FBN2: variants seen among roughly 807,000 people sequenced by gnomAD.
The protein encoded by FBN2 is fibrillin-2.
Under a neutral mutation model 355.6 loss-of-function variants are expected in FBN2, and 105 were observed. That is an observed-to-expected ratio of 0.30 (90% CI 0.25 to 0.35). The LOEUF (loss-of-function observed/expected upper bound fraction) is 0.35, where lower values mean the gene tolerates loss of function less well. Ranked by LOEUF, FBN2 falls within the 10% of genes least tolerant of loss-of-function variation. The pLI is 1.00. For missense variants in FBN2, 3,280 were observed against 3,758.7 expected, an observed-to-expected ratio of 0.87 and a Z score of 3.33; for synonymous variants, 1,350 against 1,301.2, an observed-to-expected ratio of 1.04 and a Z score of -0.81.
rs891716656 is a variant in FBN2, at chr5:128,464,623, T to C, written c.826+101A>G. The C allele has an allele frequency of 2.4e-6, 3 of 1,273,954 alleles. No individual in the cohort carries two copies. In the Admixed American group the frequency reaches 5.1e-5, roughly 21 times the overall value. The allele number at this position is 1,273,954 out of a possible 1,614,324, so 78.9% of individuals were successfully genotyped here. A position where few individuals can be genotyped will look rare whatever the true frequency, so the allele number is the denominator to read the frequency against. ...TAACGAGGCCACTCTTGGAAATCAG[T>C]ATTCTGTTAAAAGCTACCATCCAGT... is the stretch of plus-strand genomic sequence containing the variant. On this transcript the variant is annotated intron_variant, in intron 6 of 64. Transcript: ENST00000262464.
Position 128,361,826 on chromosome 5 carries a change from G to A in FBN2, c.2451C>T (p.Asn817=). Residue 817 remains asparagine, a synonymous_variant, in exon 19 of 65, where the codon AAC becomes AAT. Coordinates refer to ENST00000262464, the MANE Select transcript of FBN2 (RefSeq NM_001999.4). ...ACAATCCGTTATCACAAAGCAGTCT[G>A]TTTACTAAACATTCATCAATGTCTG... is the stretch of plus-strand genomic sequence containing the variant. ...NCIDIDECLV[N]RLLCDNGLCR... 6.2e-7 allele frequency: 1 copy of A among 1,614,008 alleles called. No individual in the cohort carries two copies.
chr5:128,445,237 TG>T (rs1293688829), intron 7 of FBN2, among the ~76,000 whole-genome samples: 1 of 152,206 alleles, frequency 6.6e-6, no homozygotes, highest in Admixed American at 6.5e-5. Context: ...TAATCAACTA[TG>T]TTTTTTTAAA....
Position 128,302,596 on chromosome 5 carries a change from A to G in FBN2, c.5917+377T>C, listed in dbSNP as rs537682030. On this transcript the variant is annotated intron_variant, in intron 46 of 64. Transcript: ENST00000262464. ...GGCTACTGGTACTTGAATGTAAATA[A>G]TCCAGAATGGATTTAAATGAAATAC... 4.6e-5 allele frequency among the ~76,000 whole-genome samples: 7 copies of G among 152,348 alleles called. No individual in the cohort carries two copies. In the East Asian group the frequency reaches 1.3e-3, roughly 29 times the overall value.
intron 5 of FBN2, among the ~76,000 whole-genome samples, chr5:128,513,321 C>A (rs1254906477): frequency 6.6e-6 from 1 of 152,214 alleles, no homozygotes; most frequent in Non-Finnish European, 1.5e-5. Context: ...TATATAATAA[C>A]AACTGATTAC....
intron 26 of FBN2, 133 bp from the exon 27 acceptor site, chr5:128,338,255 G>C (rs1260555915): frequency 9.9e-6 from 9 of 904,580 alleles, no homozygotes; most frequent in Non-Finnish European, 1.1e-5. Flanking sequence ...TAGGAGATGG[G>C]ATAACGCTTT....
chr5:128,304,326 A>C (rs1286226993), intron 45 of FBN2, among the ~76,000 whole-genome samples: 1 of 152,232 alleles, frequency 6.6e-6, no homozygotes, highest in East Asian at 1.9e-4. Flanking sequence ...CATCCAGCCC[A>C]TCTGTCTTTG....
intron 5 of FBN2, among the ~76,000 whole-genome samples, chr5:128,480,583 GT>G (rs1453996667): frequency 6.6e-6 from 1 of 152,172 alleles, no homozygotes; most frequent in Non-Finnish European, 1.5e-5. Context: ...GAGGGCGGGT[GT>G]GTGTAATTCC....
intron 5 of FBN2, among the ~76,000 whole-genome samples, chr5:128,485,360 AT>A (rs1371559777): frequency 2.0e-5 from 3 of 152,138 alleles, no homozygotes; most frequent in Non-Finnish European, 4.4e-5. Context: ...TCATAGTAGT[AT>A]TTTTTTATTG....
At chr5:128,296,629 G>T (rs1159743270) in intron 48 of FBN2, among the ~76,000 whole-genome samples, 2 of 152,106 alleles carry the variant, frequency 1.3e-5, no homozygotes, top group Admixed American at 6.6e-5. Context: ...TTGTGTAGAG[G>T]TGTTTGTAGT....
intron 4 of FBN2, among the ~76,000 whole-genome samples, chr5:128,522,707 A>C (rs946252199): frequency 6.6e-6 from 1 of 152,224 alleles, no homozygotes; most frequent in African/African-American, 2.4e-5. Context: ...CCTTTTCTCA[A>C]ATGAATTATG....
intron 32 of FBN2, among the ~76,000 whole-genome samples, chr5:128,331,641 C>G (rs1750694731): frequency 1.3e-5 from 2 of 152,072 alleles, no homozygotes; most frequent in African/African-American, 2.4e-5. Context: ...AGGGAACAAG[C>G]CAACATACCA....
Position 128,311,941 on chromosome 5 carries a change from G to A in FBN2, c.4892C>T (p.Thr1631Ile). Residue 1631 changes from threonine (T) to isoleucine (I), a missense_variant, in exon 38 of 65, where the codon ACC (threonine) becomes ATC (isoleucine). Physicochemically the swap from Thr to Ile is moderately conservative, Grantham distance 89 (BLOSUM62 -1). This residue lies in a region of FBN2 where 2,284 missense variants were observed against 2,749.5 expected (regional missense o/e 0.83). Transcript: ENST00000262464. ...GAAGCCTTCACCTCCGGGACACAGG[G>A]TGTAATATTCAGCTACAAAACAATA... ...CPPVNSTEYY[T>I]LCPGGEGFRP... 6.2e-7 allele frequency: 1 copy of A among 1,610,260 alleles called. No individual in the cohort carries two copies. The highest frequency in any genetic ancestry group is 8.5e-7 in the Non-Finnish European group (1 of 1,176,724).
Position 128,291,597 on chromosome 5 carries a change from G to A in FBN2, c.6224C>T (p.Thr2075Ile). The A allele has an allele frequency of 2.5e-6, 4 of 1,612,574 alleles. No homozygotes were observed. The highest frequency in any genetic ancestry group is 1.1e-5 in the South Asian group (1 of 91,042). The change falls in exon 49 of 65, where the codon ACT (threonine) becomes ATT (isoleucine). Residue 2075 changes from threonine to isoleucine, a missense_variant. Thr to Ile is a moderately conservative substitution (Grantham distance 89). This residue lies in a region of FBN2 where 2,284 missense variants were observed against 2,749.5 expected (regional missense o/e 0.83). Transcript: ENST00000262464. ...GCAGAGGCACTGGAAGCCCCCTGGA[G>A]TATTAGTACAGGAACCAAAAAGACA... ...NICLFGSCTN[T>I]PGGFQCLCPP...
intron 5 of FBN2, among the ~76,000 whole-genome samples, chr5:128,490,176 T>C (rs1182480488): frequency 2.6e-5 from 4 of 152,136 alleles, no homozygotes; most frequent in African/African-American, 7.2e-5. Flanking sequence ...AAAACATAAA[T>C]CATATAAAAT....
Position 128,537,836 on chromosome 5 carries a change from G to A in FBN2, c.-233C>T, listed in dbSNP as rs1430204420. ...TCTAGCGCAGTGAGCGGCGAGGCGC[G>A]GCGGAGGTGCAGCCGGCAGCCCCGA... On this transcript the variant is annotated 5_prime_UTR_variant, in exon 1 of 65. Transcript: ENST00000262464. 1.7e-6 allele frequency: 1 copy of A among 597,224 alleles called. No individual in the cohort carries two copies. Among genetic ancestry groups the A allele is most frequent in the Non-Finnish European group, 3.0e-6 (1 of 336,214 alleles). The allele number at this position is 597,224 out of a possible 1,614,324, so 37.0% of individuals were successfully genotyped here. A position where few individuals can be genotyped will look rare whatever the true frequency, so the allele number is the denominator to read the frequency against.
chr5:128,322,412 G>C (rs1206344529), intron 34 of FBN2, among the ~76,000 whole-genome samples: 1 of 152,122 alleles, frequency 6.6e-6, no homozygotes, highest in Admixed American at 6.6e-5. Context: ...GTTTTTTATG[G>C]TTTTAGGTCT....
intron 20 of FBN2, 28 bp from the exon 21 acceptor site, chr5:128,351,033 G>A (rs2126922294): frequency 1.9e-6 from 3 of 1,613,810 alleles, no homozygotes; most frequent in Non-Finnish European, 2.5e-6. Context: ...AGGTTGGGGA[G>A]CTCTTACCTC....
intron 48 of FBN2, 62 bp from the exon 49 acceptor site, chr5:128,291,716 C>T (rs773313646): frequency 3.5e-4 from 506 of 1,447,850 alleles, no homozygotes; most frequent in Non-Finnish European, 4.6e-4. Flanking sequence ...ATTGTCCATA[C>T]TATCACTGTC....
At chr5:128,462,761 G>A (rs919164575) in intron 6 of FBN2, among the ~76,000 whole-genome samples, 2 of 152,142 alleles carry the variant, frequency 1.3e-5, no homozygotes, top group African/African-American at 4.8e-5. Flanking sequence ...CAGAACATGA[G>A]AAAAGTCAAT....
Sources: allele counts gnomAD v4.1 joint callset (sites outside exome capture counted in the v4.1 genomes callset), GRCh38; gene constraint gnomAD v4.1.1; regional missense constraint gnomAD v4.1.1; transcripts MANE v1.5; gene names NCBI Gene and HGNC (gene_info 2026-07-23, HGNC 2026-07-21).